Variants in PABPC1L observed in about 807,000 individuals in gnomAD.
PABPC1L encodes polyadenylate-binding protein 1-like.
In PABPC1L, 31 loss-of-function variants were observed where a neutral mutation model predicts 66.6. The ratio of observed to expected loss-of-function variants is 0.47; its 90% CI spans 0.35 to 0.63. The LOEUF (loss-of-function observed/expected upper bound fraction) is 0.63, where lower values mean the gene tolerates loss of function less well. PABPC1L is among the 20% of genes least tolerant of loss of function. The probability of loss-of-function intolerance (pLI) is 0.00; values close to 1 mark genes in which losing one functional copy is unlikely to be tolerated. For synonymous variants in PABPC1L, 348 were observed against 335.1 expected (o/e 1.04, Z -0.42); for missense variants, 722 against 848.8 (o/e 0.85, Z 1.86).
Position 44,936,658 on chromosome 20 carries a change from A to G in PABPC1L, c.1588A>G (p.Ile530Val). The G allele has an allele frequency of 6.2e-7, 1 of 1,603,290 alleles. No homozygotes were observed. The highest frequency in any genetic ancestry group is 8.5e-7 in the Non-Finnish European group (1 of 1,176,018). The change falls in exon 12 of 15, where the codon ATC becomes GTC. Residue 530 changes from isoleucine to valine, a missense_variant. Physicochemically the swap from Ile to Val is conservative, Grantham distance 29 (BLOSUM62 3). Around this residue, in one of 3 missense-constraint regions of PABPC1L, gnomAD observed 301 missense variants for 337.2 expected, o/e 0.89. Transcript: ENST00000217073. ...GCAGGTCCAGGAGCCGGCTGTGCAC[A>G]TCCCAGGACAGGAGCCCCTGACCGC... Reference protein sequence around the residue: ...TYRVQEPAVHIPGQEPLTASM... With the variant: ...TYRVQEPAVHVPGQEPLTASM...
chr20:44,937,928 A>T, intron 12 of PABPC1L, 133 bp from the exon 13 acceptor site: 1 of 1,220,696 alleles, frequency 8.2e-7, no homozygotes, highest in Non-Finnish European at 1.1e-6. Flanking sequence ...ATCAAGTGTT[A>T]AATGTCATAG....
rs553366038 is a variant in PABPC1L at position 44,912,050 on chromosome 20, C to G, written c.194-610C>G. Among the ~76,000 whole-genome samples, 3 of 152,322 alleles carry G rather than the reference C, an allele frequency of 2.0e-5. No homozygotes were observed. The East Asian group carries it at 5.8e-4, about 29-fold the overall frequency. On this transcript the variant is annotated intron_variant, in intron 1 of 14. Transcript: ENST00000217073. ...CAAACAAGGCACTTTTACATACCTTCTTTATTTTTCAGTCCCTCCAACAAC... is the reference window on the plus strand; with the variant it reads ...CAAACAAGGCACTTTTACATACCTTGTTTATTTTTCAGTCCCTCCAACAAC...
At chr20:44,937,197 G>A in intron 12 of PABPC1L, 1 of 346,982 alleles carries the variant, frequency 2.9e-6, no homozygotes, top group South Asian at 2.2e-5. Flanking sequence ...CATAGATTCT[G>A]GATTCCTTGT....
At position 44,910,132 on chromosome 20, in the gene PABPC1L, C is replaced by T. The variant is rs762250033; in HGVS notation, c.-12C>T. On this transcript the variant is annotated 5_prime_UTR_variant, in exon 1 of 15. Coordinates refer to ENST00000217073, the MANE Select transcript of PABPC1L (RefSeq NM_001372179.1). ...CTCCTGCTTGCCCCGCAGCCCCGGC[C>T]CCCTGCCCACCATGAACGCCAGCGG... The T allele has an allele frequency of 6.4e-6, 10 of 1,551,886 alleles. No homozygotes were observed. Among genetic ancestry groups the T allele is most frequent in the Non-Finnish European group, 8.7e-6 (10 of 1,147,928 alleles).
At chr20:44,929,197 G>A (rs2066833058) in intron 7 of PABPC1L, among the ~76,000 whole-genome samples, 1 of 152,048 alleles carries the variant, frequency 6.6e-6, no homozygotes, top group Non-Finnish European at 1.5e-5. Context: ...GGGAGTTTGA[G>A]GCTGCAGTGA....
rs761275138 is a variant in PABPC1L, at chr20:44,921,774, C to G, written c.876+43C>G. ...GGTGGCAGCCACTTCTGTGTGAGAG[C>G]AGCTGTGTGTCGGGGGCCCTGAGTG... On this transcript the variant is annotated intron_variant, in intron 6 of 14. Coordinates refer to ENST00000217073, the MANE Select transcript of PABPC1L (RefSeq NM_001372179.1). 2.5e-6 allele frequency: 4 copies of G among 1,609,780 alleles called. No individual in the cohort carries two copies. The South Asian group carries it at 4.4e-5, about 18-fold the overall frequency.
At chr20:44,918,560 T>G (rs1256718053) in intron 3 of PABPC1L, among the ~76,000 whole-genome samples, 7 of 152,216 alleles carry the variant, frequency 4.6e-5, no homozygotes, top group Admixed American at 4.6e-4. Flanking sequence ...GTCACACAGC[T>G]AGGCAACTGC....
intron 10 of PABPC1L, among the ~76,000 whole-genome samples, chr20:44,935,100 T>C (rs936800814): frequency 6.6e-6 from 1 of 151,878 alleles, no homozygotes; most frequent in Admixed American, 6.6e-5. Context: ...AAAATGTTTG[T>C]ACAAATAGCT....
rs1183705484 is a variant in PABPC1L at position 44,931,170 on chromosome 20, C to CCCTCCCTTCCTCCCTT, written c.1239+456_1239+471dup. Among the ~76,000 whole-genome samples, 474 of 136,136 alleles carry CCCTCCCTTCCTCCCTT rather than the reference C, an allele frequency of 3.5e-3. 1 individual carries two copies. Among genetic ancestry groups the CCCTCCCTTCCTCCCTT allele is most frequent in the Non-Finnish European group, 6.1e-3 (383 of 63,230 alleles). 89.3% of individuals were successfully genotyped at this position (136,136 alleles called of 152,430 possible). A position where few individuals can be genotyped will look rare whatever the true frequency, so the allele number is the denominator to read the frequency against. ...GCGTGATCATGGCTCCTTCCTTCTT[C>CCCTCCCTTCCTCCCTT]CCTCCCTTCCTCCCTTCCTCCCTTC... On this transcript the variant is annotated intron_variant, in intron 8 of 14. Transcript: ENST00000217073.
chr20:44,913,874 T>C (rs1230827717), intron 2 of PABPC1L, among the ~76,000 whole-genome samples: 1 of 152,260 alleles, frequency 6.6e-6, no homozygotes, highest in Non-Finnish European at 1.5e-5. Context: ...ACATTAGATG[T>C]AAGTTCCATC....
chr20:44,918,739 G>A (rs1470245181), intron 3 of PABPC1L, among the ~76,000 whole-genome samples, 167 bp from the exon 4 acceptor site: 2 of 152,230 alleles, frequency 1.3e-5, no homozygotes, highest in African/African-American at 4.8e-5. Flanking sequence ...CTTGGCTATT[G>A]GAGGTAGCCG....
intron 7 of PABPC1L, among the ~76,000 whole-genome samples, chr20:44,927,045 T>TA (rs1170015533): frequency 3.3e-5 from 5 of 151,386 alleles, no homozygotes; most frequent in African/African-American, 7.3e-5. Flanking sequence ...CCAGCTGATT[T>TA]AAAAAAAAAT....
intron 6 of PABPC1L, among the ~76,000 whole-genome samples, chr20:44,923,500 G>A (rs1479233720): frequency 6.6e-6 from 1 of 151,952 alleles, no homozygotes; most frequent in African/African-American, 2.4e-5. Flanking sequence ...CTGGTTGCAC[G>A]TACCTGTAAT....
intron 10 of PABPC1L, among the ~76,000 whole-genome samples, chr20:44,934,033 T>C (rs2066882541): frequency 6.6e-6 from 1 of 152,322 alleles, no homozygotes; most frequent in Middle Eastern, 3.4e-3. Flanking sequence ...ATTACAGGCA[T>C]GAGCCACCAT....
Position 44,932,176 on chromosome 20 carries a change from C to T in PABPC1L, c.1240-166C>T, listed in dbSNP as rs1262870566. On this transcript the variant is annotated intron_variant, in intron 8 of 14. Coordinates refer to ENST00000217073, the MANE Select transcript of PABPC1L (RefSeq NM_001372179.1). The stretch of plus-strand genomic sequence containing the variant: ...CCCTGCAGGATTCAGGGCTAATGGA[C>T]ATCCTGAGATGGGAGGAAGGAGCTT... 2.1e-5 allele frequency: 10 copies of T among 473,242 alleles called. No homozygotes were observed. In the Admixed American group the frequency reaches 3.4e-4, roughly 16 times the overall value. The allele number at this position is 473,242 out of a possible 1,614,324, so 29.3% of individuals were successfully genotyped here. A position where few individuals can be genotyped will look rare whatever the true frequency, so the allele number is the denominator to read the frequency against.
chr20:44,913,757 T>A (rs553796937), intron 2 of PABPC1L, among the ~76,000 whole-genome samples: 136 of 151,778 alleles, frequency 9.0e-4, no homozygotes, highest in African/African-American at 3.1e-3. Context: ...ACATTCAGAG[T>A]GAGAGGGGAG....
chr20:44,938,730 G>C lies in PABPC1L; in HGVS notation c.1848G>C (p.Ala616=), dbSNP rs377541297. 2 of 1,611,370 alleles carry C rather than the reference G, an allele frequency of 1.2e-6. No homozygotes were observed. The highest frequency in any genetic ancestry group is 2.7e-5 in the African/African-American group (2 of 74,918). Residue 616 remains alanine, a synonymous_variant, in exon 14 of 15, where the codon GCG becomes GCC. Transcript: ENST00000217073. ...QAHQAMEQPK[A]YMH is the part of the protein sequence containing the mutation. ...ACCAGGCTATGGAGCAGCCGAAGGC[G>C]TACATGCACTGAAACCAGGTGGGTG...
chr20:44,919,293 T>C lies in PABPC1L; in HGVS notation c.738+16T>C, dbSNP rs546842605. The C allele has an allele frequency of 6.2e-7, 1 of 1,613,418 alleles. No individual in the cohort carries two copies. The highest frequency in any genetic ancestry group is 8.5e-7 in the Non-Finnish European group (1 of 1,179,534). ...AGCCCAGAAGGTAGGAGCCTCCCCA[T>C]GGCTCTGTTCTGCAGCAGGGGGACC... On this transcript the variant is annotated intron_variant, in intron 5 of 14. Transcript: ENST00000217073.
At chr20:44,919,985 C>A (rs1346940696) in intron 5 of PABPC1L, among the ~76,000 whole-genome samples, 1 of 152,080 alleles carries the variant, frequency 6.6e-6, no homozygotes, top group Admixed American at 6.6e-5. Context: ...TTTTTAAGTT[C>A]TTTAAGTTCT....
Sources: allele counts gnomAD v4.1 joint callset (sites outside exome capture counted in the v4.1 genomes callset), GRCh38; gene constraint gnomAD v4.1.1; regional missense constraint gnomAD v4.1.1; transcripts MANE v1.5; gene names NCBI Gene and HGNC (gene_info 2026-07-23, HGNC 2026-07-21).